HAUS3: variants seen among roughly 807,000 people sequenced by gnomAD.
HAUS3 encodes the protein HAUS augmin-like complex subunit 3.
A neutral mutation model predicts 55.2 loss-of-function variants in HAUS3; 36 were observed. The observed-to-expected ratio is 0.65, with a 90% CI of 0.50 to 0.86. The LOEUF (loss-of-function observed/expected upper bound fraction) is 0.86. Ranked by LOEUF, HAUS3 falls within the 40% of genes least tolerant of loss-of-function variation. HAUS3 has a pLI of 0.00. For missense variants in HAUS3, 752 were observed against 671.5 expected (o/e 1.12, Z -1.33); for synonymous variants, 234 against 238.6 (o/e 0.98, Z 0.18).
chr4:2,238,601 T>C lies in HAUS3; in HGVS notation c.1349+3A>G. On this transcript the variant is annotated splice_donor_region_variant and intron_variant, in intron 4 of 5. Transcript: ENST00000443786. ...TACTAAAGAAACAATGAAGCATACG[T>C]ACCTATGAGTAGAATAATCCTTAGT... The C allele has an allele frequency of 2.6e-6, 4 of 1,546,878 alleles. No homozygotes were observed. Among genetic ancestry groups the C allele is most frequent in the Non-Finnish European group, 2.6e-6 (3 of 1,134,690 alleles).
chr4:2,242,018 C>G, intron 1 of HAUS3, 33 bp downstream of exon 1: 1 of 985,632 alleles, frequency 1.0e-6, no homozygotes, highest in Non-Finnish European at 1.2e-6. Flanking sequence ...GCCCCACACC[C>G]CTGCGCCCAG....
At position 2,228,926 on chromosome 4, in the gene HAUS3, G is replaced by A; in HGVS notation, c.*3001C>T. 3 of 522,202 alleles carry A rather than the reference G, an allele frequency of 5.7e-6. No individual in the cohort carries two copies. The highest frequency in any genetic ancestry group is 6.7e-6 in the Non-Finnish European group (2 of 299,808). 32.3% of individuals were successfully genotyped at this position (522,202 alleles called of 1,614,324 possible). A position where few individuals can be genotyped will look rare whatever the true frequency, so the allele number is the denominator to read the frequency against. On this transcript the variant is annotated 3_prime_UTR_variant, in exon 6 of 6. Coordinates refer to ENST00000443786, the MANE Select transcript of HAUS3 (RefSeq NM_001303143.2). ...GTGTTACATTTTTAAAGCAATGAAG[G>A]TTAAGGGAACACGAAAGTTAGCAAG... is the stretch of plus-strand genomic sequence containing the variant.
At chr4:2,239,081 C>T in intron 3 of HAUS3, 38 bp from the exon 4 acceptor site, 1 of 1,108,018 alleles carries the variant, frequency 9.0e-7, no homozygotes, top group East Asian at 2.5e-5. Context: ...AAACTGTATG[C>T]CTAAATTTGA....
chr4:2,230,713 T>C lies in HAUS3; in HGVS notation c.*1214A>G, dbSNP rs904294657. 3.3e-5 allele frequency: 5 copies of C among 152,102 alleles called. No homozygotes were observed. Among genetic ancestry groups the C allele is most frequent in the Non-Finnish European group, 7.3e-5 (5 of 68,028 alleles). 9.4% of individuals were successfully genotyped at this position (152,102 alleles called of 1,614,324 possible). A position where few individuals can be genotyped will look rare whatever the true frequency, so the allele number is the denominator to read the frequency against. On this transcript the variant is annotated 3_prime_UTR_variant, in exon 6 of 6. Coordinates refer to ENST00000443786, the MANE Select transcript of HAUS3 (RefSeq NM_001303143.2). ...CCACCCAAAACATGTAGTTTTTAGA[T>C]TGGCATTCCATATTACGAACAGGTG...
In HAUS3 at chr4:2,240,468, G is replaced by C; in HGVS notation, c.479C>G (p.Thr160Ser). The C allele has an allele frequency of 6.2e-7, 1 of 1,613,832 alleles. No homozygotes were observed. Among genetic ancestry groups the C allele is most frequent in the Non-Finnish European group, 8.5e-7 (1 of 1,179,882 alleles). ...AGCCTGAAGTTCATTACTGATCTTA[G>C]TGATCATTGCATTTAGAATTCCTTG... is the stretch of plus-strand genomic sequence containing the variant. ...QSQGILNAMI[T>S]KISNELQALT... Residue 160 changes from threonine to serine, a missense_variant, in exon 3 of 6, where the codon ACT (threonine) becomes AGT (serine). Transcript: ENST00000443786.
Position 2,236,448 on chromosome 4 carries a change from T to C in HAUS3, c.1358A>G (p.Gln453Arg), listed in dbSNP as rs759709824. 6.2e-7 allele frequency: 1 copy of C among 1,604,232 alleles called. No homozygotes were observed. The highest frequency in any genetic ancestry group is 1.3e-5 in the African/African-American group (1 of 74,684). ...TTTCTTATTCTCTCCCTCCAAAACT[T>C]GGTAAAGCCTGAAATGTAAAAATTA... Reference protein sequence around the residue: ...TKDYSTHRLYQVLEGENKKKE... With the variant: ...TKDYSTHRLYRVLEGENKKKE... Residue 453 changes from glutamine (Q) to arginine (R), a missense_variant, in exon 5 of 6, where the codon CAA becomes CGA. Gln to Arg is a conservative substitution (Grantham distance 43). Transcript: ENST00000443786.
intron 4 of HAUS3, among the ~76,000 whole-genome samples, chr4:2,237,261 T>A (rs114124408): frequency 0.018 from 2,629 of 146,662 alleles, 83 homozygotes; most frequent in African/African-American, 0.067. Context: ...TGAAGCCCCA[T>A]CTCTACAAAT....
intron 5 of HAUS3, among the ~76,000 whole-genome samples, chr4:2,235,041 AC>A (rs1166384995): frequency 6.6e-6 from 1 of 152,094 alleles, no homozygotes; most frequent in Non-Finnish European, 1.5e-5. Context: ...ACCCGCCACC[AC>A]GCCCGGCTAA....
intron 5 of HAUS3, among the ~76,000 whole-genome samples, chr4:2,233,054 C>T (rs1734639067): frequency 6.6e-6 from 1 of 152,154 alleles, no homozygotes; most frequent in Non-Finnish European, 1.5e-5. Flanking sequence ...CCTGATGATT[C>T]TAATGTACAA....
intron 4 of HAUS3, among the ~76,000 whole-genome samples, 200 bp from the exon 5 acceptor site, chr4:2,236,656 C>T (rs1416873396): frequency 6.6e-6 from 1 of 151,574 alleles, no homozygotes; most frequent in Non-Finnish European, 1.5e-5. Context: ...CTCAGGAGTT[C>T]GAGACCAGCC....
intron 1 of HAUS3, 92 bp from the exon 2 acceptor site, chr4:2,241,882 G>A: frequency 1.0e-6 from 1 of 985,454 alleles, no homozygotes; most frequent in Non-Finnish European, 1.2e-6. Context: ...CCCCGCCCCA[G>A]CTCCTCGCCC....
Position 2,241,745 on chromosome 4 carries a change from C to T in HAUS3, c.-373G>A, listed in dbSNP as rs1214407253. 6.1e-6 allele frequency: 6 copies of T among 985,376 alleles called. No homozygotes were observed. Among genetic ancestry groups the T allele is most frequent in the Non-Finnish European group, 7.2e-6 (6 of 829,956 alleles). The allele number at this position is 985,376 out of a possible 1,614,324, so 61.0% of individuals were successfully genotyped here. A position where few individuals can be genotyped will look rare whatever the true frequency, so the allele number is the denominator to read the frequency against. On this transcript the variant is annotated 5_prime_UTR_variant, in exon 2 of 6. Transcript: ENST00000443786. ...CGCGATACACCAGACGCGCCAGCGGCAAAACCTTCCTTCGGAGGGTCACCC... is the reference window on the plus strand; with the variant it reads ...CGCGATACACCAGACGCGCCAGCGGTAAAACCTTCCTTCGGAGGGTCACCC...
chr4:2,241,566 C>T lies in HAUS3; in HGVS notation c.-194G>A. 1 of 985,696 alleles carries T rather than the reference C, an allele frequency of 1.0e-6. No individual in the cohort carries two copies. Among genetic ancestry groups the T allele is most frequent in the Non-Finnish European group, 1.2e-6 (1 of 830,134 alleles). 61.1% of individuals were successfully genotyped at this position (985,696 alleles called of 1,614,324 possible). A position where few individuals can be genotyped will look rare whatever the true frequency, so the allele number is the denominator to read the frequency against. On this transcript the variant is annotated 5_prime_UTR_variant, in exon 2 of 6. Coordinates refer to ENST00000443786, the MANE Select transcript of HAUS3 (RefSeq NM_001303143.2). ...GCTCCACCTCCAGAGTCCACCACCG[C>T]GACGCGGAGAACAGCAGGAGCAGCA...
intron 5 of HAUS3, among the ~76,000 whole-genome samples, chr4:2,233,088 C>G (rs1465610474): frequency 2.0e-5 from 3 of 152,174 alleles, no homozygotes; most frequent in Admixed American, 2.0e-4. Context: ...TACTTAAGAC[C>G]TGTCATAAAT....
Position 2,232,209 on chromosome 4 carries a change from C to A in HAUS3, c.1579-49G>T, listed in dbSNP as rs758522427. 10 of 804,404 alleles carry A rather than the reference C, an allele frequency of 1.2e-5. No individual in the cohort carries two copies. In the East Asian group the frequency reaches 2.5e-4, roughly 20 times the overall value. 49.8% of individuals were successfully genotyped at this position (804,404 alleles called of 1,614,324 possible). A position where few individuals can be genotyped will look rare whatever the true frequency, so the allele number is the denominator to read the frequency against. On this transcript the variant is annotated intron_variant, in intron 5 of 5. Coordinates refer to ENST00000443786, the MANE Select transcript of HAUS3 (RefSeq NM_001303143.2). ...AAATTAAAACACTTTATTCCTAATA[C>A]CAATTATAAAATTAAAATATAATTT...
chr4:2,233,611 T>C (rs1038524023), intron 5 of HAUS3, among the ~76,000 whole-genome samples: 4 of 152,302 alleles, frequency 2.6e-5, no homozygotes, highest in African/African-American at 7.2e-5. Context: ...GAATTGAACA[T>C]TGAAATGTGA....
Position 2,238,758 on chromosome 4 carries a change from G to C in HAUS3, c.1195C>G (p.Arg399Gly). Reference protein sequence around the residue: ...LSYEIELRKHRDIYRQLENLV... With the variant: ...LSYEIELRKHGDIYRQLENLV... ...TTTTCAAGTTGACGATATATGTCCC[G>C]ATGCTTTCTTAATTCAATTTCATAT... The change falls in exon 4 of 6, where the codon CGG becomes GGG. Residue 399 changes from arginine (R) to glycine (G), a missense_variant. Coordinates refer to ENST00000443786, the MANE Select transcript of HAUS3 (RefSeq NM_001303143.2). The C allele has an allele frequency of 6.2e-7, 1 of 1,613,680 alleles. No homozygotes were observed. The highest frequency in any genetic ancestry group is 8.5e-7 in the Non-Finnish European group (1 of 1,179,824).
chr4:2,240,575 T>C lies in HAUS3; in HGVS notation c.372A>G (p.Gln124=), dbSNP rs775294946. The change falls in exon 3 of 6, where the codon CAA becomes CAG. Residue 124 remains glutamine (Q), a synonymous_variant. Coordinates refer to ENST00000443786, the MANE Select transcript of HAUS3 (RefSeq NM_001303143.2). ...NLKIQRRNKC[Q]LMASVTSHKS... ...TGTGGCTAGTTACTGAAGCCATCAATTGACATTTATTACGTCGCTGAATTT... is the reference window on the plus strand; with the variant it reads ...TGTGGCTAGTTACTGAAGCCATCAACTGACATTTATTACGTCGCTGAATTT... The C allele has an allele frequency of 1.1e-5, 17 of 1,612,994 alleles. No homozygotes were observed. The highest frequency in any genetic ancestry group is 1.6e-4 in the Middle Eastern group (1 of 6,082).
rs771321901 is a variant in HAUS3 at position 2,240,544 on chromosome 4, G to C, written c.403C>G (p.Leu135Val). Residue 135 changes from leucine to valine, a missense_variant, in exon 3 of 6, where the codon CTG becomes GTG. Coordinates refer to ENST00000443786, the MANE Select transcript of HAUS3 (RefSeq NM_001303143.2). ...LMASVTSHKSLRLNAKEEEAT... is the reference protein window; with the variant it reads ...LMASVTSHKSVRLNAKEEEAT... ...TCTTCTTCTTTAGCATTTAACCTCA[G>C]AGATTTGTGGCTAGTTACTGAAGCC... 2.5e-6 allele frequency: 4 copies of C among 1,613,512 alleles called. No homozygotes were observed. In the African/African-American group the frequency reaches 5.3e-5, roughly 22 times the overall value.
Sources: gnomAD v4.1 joint callset for allele counts (sites outside exome capture counted in the v4.1 genomes callset) on GRCh38, gnomAD v4.1.1 for gene constraint, MANE v1.5 for transcripts, NCBI Gene and HGNC (gene_info 2026-07-23, HGNC 2026-07-21) for gene names.